Variants in HCN1 observed in about 807,000 individuals in gnomAD.
The protein encoded by HCN1 is hyperpolarization activated cyclic nucleotide gated potassium channel 1, also known as potassium/sodium hyperpolarization-activated cyclic nucleotide-gated channel 1.
Under a neutral mutation model 78.9 loss-of-function variants are expected in HCN1, and 13 were observed. The ratio of observed to expected loss-of-function variants is 0.16; its 90% CI spans 0.11 to 0.26. The LOEUF (loss-of-function observed/expected upper bound fraction) is 0.26. Ranked by LOEUF, HCN1 falls within the 10% of genes least tolerant of loss-of-function variation. The probability of loss-of-function intolerance (pLI) is 1.00; values close to 1 mark genes in which losing one functional copy is unlikely to be tolerated. For synonymous variants in HCN1, 552 were observed against 455.5 expected (o/e 1.21, Z -2.70); for missense variants, 810 against 1,154.3 (o/e 0.70, Z 4.32).
At chr5:45,578,740 C>A (rs1743997329) in intron 2 of HCN1, among the ~76,000 whole-genome samples, 1 of 151,688 alleles carries the variant, frequency 6.6e-6, no homozygotes, top group African/African-American at 2.4e-5. Context: ...AGGCATAGAG[C>A]AATTAACAAA....
intron 6 of HCN1, among the ~76,000 whole-genome samples, chr5:45,274,554 C>T (rs1262888158): frequency 1.3e-5 from 2 of 152,168 alleles, no homozygotes; most frequent in African/African-American, 2.4e-5. Context: ...TGTGGGTACT[C>T]GTAAAACATT....
chr5:45,375,448 A>G (rs1747607249), intron 4 of HCN1, among the ~76,000 whole-genome samples: 1 of 112,740 alleles, frequency 8.9e-6, no homozygotes, highest in African/African-American at 3.7e-5. Context: ...ATAAGATCAT[A>G]TTTTATGATA....
In HCN1 at chr5:45,481,972, A is replaced by T. The variant is rs1056181371; in HGVS notation, c.850-19965T>A. ...CTGAAATCCTAAAAGAAAAACAAAC[A>T]AAAAAAACAAACAAAAACAAATGTA... On this transcript the variant is annotated intron_variant, in intron 2 of 7. Coordinates refer to ENST00000303230, the MANE Select transcript of HCN1 (RefSeq NM_021072.4). 6.6e-5 allele frequency among the ~76,000 whole-genome samples: 3 copies of T among 45,206 alleles called. No individual in the cohort carries two copies. In the African/African-American group the frequency reaches 7.0e-4, roughly 11 times the overall value. 29.7% of individuals were successfully genotyped at this position (45,206 alleles called of 152,430 possible).
intron 2 of HCN1, among the ~76,000 whole-genome samples, chr5:45,601,230 T>C (rs1318056889): frequency 6.6e-6 from 1 of 152,108 alleles, no homozygotes; most frequent in Non-Finnish European, 1.5e-5. Context: ...AGTAGGTGTT[T>C]CTTTTATGGT....
chr5:45,578,447 A>G (rs1252439159), intron 2 of HCN1, among the ~76,000 whole-genome samples: 5 of 152,018 alleles, frequency 3.3e-5, no homozygotes, highest in Admixed American at 3.3e-4. Context: ...AAATGCACCT[A>G]GTCAACTCCT....
rs937199640 is a variant in HCN1 at position 45,374,788 on chromosome 5, G to GTATA, written c.1231-21546_1231-21543dup. Among the ~76,000 whole-genome samples the GTATA allele has an allele frequency of 2.9e-3, 417 of 142,658 alleles. 3 individuals carry two copies. Among genetic ancestry groups the GTATA allele is most frequent in the East Asian group, 0.023 (112 of 4,910 alleles). The allele number at this position is 142,658 out of a possible 152,430, so 93.6% of individuals were successfully genotyped here. A position where few individuals can be genotyped will look rare whatever the true frequency, so the allele number is the denominator to read the frequency against. ...ACTATGAATATATATATATATGTGT[G>GTATA]TATATATATATATATAAAACCATAT... On this transcript the variant is annotated intron_variant, in intron 4 of 7. Transcript: ENST00000303230.
intron 2 of HCN1, among the ~76,000 whole-genome samples, chr5:45,615,610 G>A (rs1220457301): frequency 2.0e-5 from 3 of 151,856 alleles, no homozygotes; most frequent in African/African-American, 7.2e-5. Context: ...GATAAAATTT[G>A]TTATAAGCTT....
Position 45,303,836 on chromosome 5 carries a change from T to C in HCN1, c.1381A>G (p.Ile461Val). The change falls in exon 6 of 8, where the codon ATA becomes GTA. Residue 461 changes from isoleucine (I) to valine (V), a missense_variant. Ile to Val is a conservative substitution (Grantham distance 29). This residue lies in a region of HCN1 where 100 missense variants were observed against 126.8 expected (regional missense o/e 0.79). Coordinates refer to ENST00000303230, the MANE Select transcript of HCN1 (RefSeq NM_021072.4). Reference sequence around the variant, plus strand: ...AGTTTCCGACAGTTGAAGTTGACTATCTCCTAAAGATGTCAAGAGTAAACA... The same window carrying C: ...AGTTTCCGACAGTTGAAGTTGACTACCTCCTAAAGATGTCAAGAGTAAACA... Reference protein sequence around the residue: ...NELNDPLREEIVNFNCRKLVA... With the variant: ...NELNDPLREEVVNFNCRKLVA... The C allele has an allele frequency of 6.2e-7, 1 of 1,611,896 alleles. No individual in the cohort carries two copies. The highest frequency in any genetic ancestry group is 8.5e-7 in the Non-Finnish European group (1 of 1,178,188).
At chr5:45,371,387 A>C (rs1747354006) in intron 4 of HCN1, among the ~76,000 whole-genome samples, 1 of 151,890 alleles carries the variant, frequency 6.6e-6, no homozygotes, top group Admixed American at 6.6e-5. Context: ...CACCAGCTAG[A>C]CTAATAAAGA....
intron 2 of HCN1, among the ~76,000 whole-genome samples, chr5:45,514,144 T>A (rs972174789): frequency 1.3e-5 from 2 of 152,162 alleles, no homozygotes; most frequent in Admixed American, 1.3e-4. Context: ...TCTCAAAATT[T>A]CTTCTCCTTA....
chr5:45,457,772 C>A (rs1329533704), intron 3 of HCN1, among the ~76,000 whole-genome samples: 1 of 152,096 alleles, frequency 6.6e-6, no homozygotes, highest in Non-Finnish European at 1.5e-5. Flanking sequence ...AAAGGGCCAG[C>A]AATCACATGT....
intron 4 of HCN1, among the ~76,000 whole-genome samples, chr5:45,356,036 T>C (rs1450221186): frequency 6.6e-6 from 1 of 151,982 alleles, no homozygotes; most frequent in African/African-American, 2.4e-5. Context: ...TTCCATGTGA[T>C]GTGAATAAAA....
chr5:45,370,090 T>A (rs1430965295), intron 4 of HCN1, among the ~76,000 whole-genome samples: 2 of 152,030 alleles, frequency 1.3e-5, no homozygotes. Flanking sequence ...TCATATTTTC[T>A]TTGAAAATAT....
At chr5:45,598,103 G>A (rs1432629069) in intron 2 of HCN1, among the ~76,000 whole-genome samples, 2 of 152,240 alleles carry the variant, frequency 1.3e-5, no homozygotes, top group Admixed American at 6.5e-5. Context: ...AGCCTGCATT[G>A]CCAAGACAAT....
intron 2 of HCN1, among the ~76,000 whole-genome samples, chr5:45,471,351 T>A (rs1396767110): frequency 3.3e-5 from 5 of 151,884 alleles, no homozygotes; most frequent in Non-Finnish European, 5.9e-5. Context: ...AACTTCTGAC[T>A]CCAACTCCAA....
At chr5:45,343,898 T>G (rs1746641481) in intron 5 of HCN1, among the ~76,000 whole-genome samples, 1 of 152,052 alleles carries the variant, frequency 6.6e-6, no homozygotes, top group Non-Finnish European at 1.5e-5. Flanking sequence ...ATTCAGGAAC[T>G]GTGTTTTGTT....
At chr5:45,607,718 T>C (rs577965482) in intron 2 of HCN1, among the ~76,000 whole-genome samples, 2 of 151,498 alleles carry the variant, frequency 1.3e-5, no homozygotes, top group African/African-American at 4.8e-5. Context: ...AAACTAAGAA[T>C]AGAATCAGGG....
At chr5:45,519,785 C>T (rs1442928490) in intron 2 of HCN1, among the ~76,000 whole-genome samples, 1 of 151,632 alleles carries the variant, frequency 6.6e-6, no homozygotes, top group African/African-American at 2.4e-5. Flanking sequence ...TACAAACTTG[C>T]TGTATTCATT....
chr5:45,394,127 T>G (rs1173135210), intron 4 of HCN1, among the ~76,000 whole-genome samples: 1 of 152,128 alleles, frequency 6.6e-6, no homozygotes, highest in Non-Finnish European at 1.5e-5. Flanking sequence ...TGAAATAAGC[T>G]CATGTGGTTG....
Sources: gnomAD v4.1 joint callset for allele counts (sites outside exome capture counted in the v4.1 genomes callset) on GRCh38, gnomAD v4.1.1 for gene constraint, gnomAD v4.1.1 regional missense constraint, MANE v1.5 for transcripts, NCBI Gene and HGNC (gene_info 2026-07-23, HGNC 2026-07-21) for gene names.